HCN1: variants seen among roughly 807,000 people sequenced by gnomAD.
The protein encoded by HCN1 is potassium/sodium hyperpolarization-activated cyclic nucleotide-gated channel 1.
HCN1 carries 13 observed loss-of-function variants against 78.9 expected under a neutral mutation model. That is an observed-to-expected ratio of 0.16 (90% CI 0.11 to 0.26). The LOEUF is 0.26. Ranked by LOEUF, HCN1 falls within the 10% of genes least tolerant of loss-of-function variation. The probability of loss-of-function intolerance (pLI) is 1.00; values close to 1 mark genes in which losing one functional copy is unlikely to be tolerated. For synonymous variants in HCN1, 552 were observed against 455.5 expected, an observed-to-expected ratio of 1.21 and a Z score of -2.70; for missense variants, 810 against 1,154.3, an observed-to-expected ratio of 0.70 and a Z score of 4.32.
intron 2 of HCN1, among the ~76,000 whole-genome samples, chr5:45,605,265 C>G (rs1007776333): frequency 1.3e-4 from 19 of 151,932 alleles, no homozygotes; most frequent in African/African-American, 3.6e-4. Context: ...TTAATCATAT[C>G]TCTTCAAAAT....
At chr5:45,666,959 C>G (rs949493717) in intron 1 of HCN1, among the ~76,000 whole-genome samples, 3 of 151,874 alleles carry the variant, frequency 2.0e-5, no homozygotes, top group Non-Finnish European at 4.4e-5. Flanking sequence ...AGCCTAATGT[C>G]TAAGAGAAGA....
At chr5:45,658,920 A>G (rs572879145) in intron 1 of HCN1, among the ~76,000 whole-genome samples, 14 of 144,948 alleles carry the variant, frequency 9.7e-5, no homozygotes, top group African/African-American at 1.8e-4. Flanking sequence ...TAAACAAAGC[A>G]GCCGGGAAGC....
intron 2 of HCN1, among the ~76,000 whole-genome samples, chr5:45,498,855 G>C (rs1018089352): frequency 1.3e-4 from 20 of 152,244 alleles, no homozygotes; most frequent in Admixed American, 4.6e-4. Flanking sequence ...TGAGGTGTCA[G>C]TCTGCCCCTG....
intron 1 of HCN1, among the ~76,000 whole-genome samples, chr5:45,668,357 G>A (rs1746090197): frequency 6.6e-6 from 1 of 151,788 alleles, no homozygotes. Flanking sequence ...CACAAGATCT[G>A]ATGGTTTAAA....
intron 4 of HCN1, among the ~76,000 whole-genome samples, chr5:45,355,909 A>G (rs1746998687): frequency 6.6e-6 from 1 of 151,984 alleles, no homozygotes; most frequent in Non-Finnish European, 1.5e-5. Context: ...TGAATTTGGA[A>G]ATTAGGTAGT....
chr5:45,383,290 C>T (rs1747845089), intron 4 of HCN1, among the ~76,000 whole-genome samples: 1 of 152,140 alleles, frequency 6.6e-6, no homozygotes, highest in African/African-American at 2.4e-5. Context: ...TGTTTTATTG[C>T]TACCACCTCC....
chr5:45,351,928 G>A lies in HCN1; in HGVS notation c.1377+1172C>T, dbSNP rs557090666. ...ATAGGAACACTTTTACACTGTTGGCGGGACTGTAAACTAGTTCAAACATTG... is the reference window on the plus strand; with the variant it reads ...ATAGGAACACTTTTACACTGTTGGCAGGACTGTAAACTAGTTCAAACATTG... On this transcript the variant is annotated intron_variant, in intron 5 of 7. Coordinates refer to ENST00000303230, the MANE Select transcript of HCN1 (RefSeq NM_021072.4). Among the ~76,000 whole-genome samples, 22 of 152,166 alleles carry A rather than the reference G, an allele frequency of 1.4e-4. No individual in the cohort carries two copies. In the South Asian group the frequency reaches 2.5e-3, roughly 17 times the overall value.
intron 3 of HCN1, among the ~76,000 whole-genome samples, chr5:45,455,058 C>A (rs1354515598): frequency 6.6e-6 from 1 of 151,986 alleles, no homozygotes; most frequent in Non-Finnish European, 1.5e-5. Context: ...TTTTGTGTCT[C>A]CCTGGCCCTC....
In HCN1 at chr5:45,270,053, C is replaced by T. The variant is rs370848118; in HGVS notation, c.1619-2800G>A. Among the ~76,000 whole-genome samples the T allele has an allele frequency of 2.0e-5, 3 of 152,270 alleles. No homozygotes were observed. The East Asian group carries it at 5.8e-4, about 29-fold the overall frequency. On this transcript the variant is annotated intron_variant, in intron 6 of 7. Coordinates refer to ENST00000303230, the MANE Select transcript of HCN1 (RefSeq NM_021072.4). ...AAACAAAATTTGGGAGTAGGCAAGGCCAGCATTTGTTCAGCACTTCAATGA... is the reference window on the plus strand; with the variant it reads ...AAACAAAATTTGGGAGTAGGCAAGGTCAGCATTTGTTCAGCACTTCAATGA...
chr5:45,652,635 G>C (rs1458704595), intron 1 of HCN1, among the ~76,000 whole-genome samples: 1 of 151,998 alleles, frequency 6.6e-6, no homozygotes, highest in Middle Eastern at 3.4e-3. Flanking sequence ...TATATATCCT[G>C]TATAGTTAGT....
chr5:45,628,184 G>A (rs1745203704), intron 2 of HCN1, among the ~76,000 whole-genome samples: 1 of 152,118 alleles, frequency 6.6e-6, no homozygotes, highest in Admixed American at 6.6e-5. Context: ...TTCTCTTGGT[G>A]TGATAAAAAT....
In HCN1 at chr5:45,601,487, C is replaced by T. The variant is rs1031366983; in HGVS notation, c.849+43698G>A. Among the ~76,000 whole-genome samples, 13 of 152,218 alleles carry T rather than the reference C, an allele frequency of 8.5e-5. No individual in the cohort carries two copies. The East Asian group carries it at 2.5e-3, about 29-fold the overall frequency. ...GAAGCTAGGAGATGACAGCTAAAATCTAGGAAATCAAATCATAATTTTTGT... is the reference window on the plus strand; with the variant it reads ...GAAGCTAGGAGATGACAGCTAAAATTTAGGAAATCAAATCATAATTTTTGT... On this transcript the variant is annotated intron_variant, in intron 2 of 7. Transcript: ENST00000303230.
chr5:45,695,570 C>T, intron 1 of HCN1, 99 bp downstream of exon 1: 1 of 1,206,062 alleles, frequency 8.3e-7, no homozygotes, highest in Non-Finnish European at 1.2e-6. Context: ...ACCCCCCGCC[C>T]GCCCTCCTAG....
intron 2 of HCN1, among the ~76,000 whole-genome samples, chr5:45,577,792 G>A (rs1579979067): frequency 1.3e-5 from 2 of 151,972 alleles, no homozygotes; most frequent in South Asian, 4.1e-4. Flanking sequence ...TTCCTTAAAT[G>A]TACTTAGAAA....
At chr5:45,335,841 ATAAGT>A (rs1178702942) in intron 5 of HCN1, among the ~76,000 whole-genome samples, 4 of 152,102 alleles carry the variant, frequency 2.6e-5, no homozygotes, top group East Asian at 1.9e-4. Context: ...TGAAGTACAC[ATAAGT>A]TAAGAAAATA....
intron 2 of HCN1, among the ~76,000 whole-genome samples, chr5:45,634,195 C>T (rs1476795816): frequency 6.6e-6 from 1 of 151,888 alleles, no homozygotes; most frequent in East Asian, 1.9e-4. Context: ...TACAAATGAA[C>T]ATTCTCTCCC....
At chr5:45,664,933 G>C (rs1746005087) in intron 1 of HCN1, among the ~76,000 whole-genome samples, 1 of 151,836 alleles carries the variant, frequency 6.6e-6, no homozygotes, top group Admixed American at 6.6e-5. Context: ...ATTTGACCCA[G>C]CTAACCCATT....
Position 45,475,011 on chromosome 5 carries a change from C to A in HCN1, c.850-13004G>T, listed in dbSNP as rs73101247. Among the ~76,000 whole-genome samples, 239 of 151,970 alleles carry A rather than the reference C, an allele frequency of 1.6e-3. 3 individuals carry two copies. The highest frequency in any genetic ancestry group is 5.7e-3 in the African/African-American group (236 of 41,536). ...ACCTAGTTTAAAATAACCTGTATATCTTTTGAAAACCTGAATGATTTTGGT... is the reference window on the plus strand; with the variant it reads ...ACCTAGTTTAAAATAACCTGTATATATTTTGAAAACCTGAATGATTTTGGT... On this transcript the variant is annotated intron_variant, in intron 2 of 7. Coordinates refer to ENST00000303230, the MANE Select transcript of HCN1 (RefSeq NM_021072.4).
At chr5:45,564,670 T>C (rs1472695227) in intron 2 of HCN1, among the ~76,000 whole-genome samples, 2 of 152,208 alleles carry the variant, frequency 1.3e-5, no homozygotes, top group Non-Finnish European at 2.9e-5. Context: ...ATACTCCTAT[T>C]ATCTTCATTT....
Sources: gnomAD v4.1 joint callset for allele counts (sites outside exome capture counted in the v4.1 genomes callset) on GRCh38, gnomAD v4.1.1 for gene constraint, MANE v1.5 for transcripts, NCBI Gene and HGNC (gene_info 2026-07-23, HGNC 2026-07-21) for gene names.